The following NAV3 variants were observed in gnomAD, a reference collection of about 807,000 sequenced individuals.
The protein encoded by NAV3 is neuron navigator 3, also known as pore membrane and/or filament interacting like protein 1.
A neutral mutation model predicts 244.7 loss-of-function variants in NAV3; 87 were observed. The ratio of observed to expected loss-of-function variants is 0.36; its 90% CI spans 0.30 to 0.42. The LOEUF (loss-of-function observed/expected upper bound fraction) is 0.42, where lower values mean the gene tolerates loss of function less well. Among genes scored for constraint, NAV3 ranks in the 20% least tolerant of loss-of-function variants. The pLI is 1.00. For synonymous variants in NAV3, 1,126 were observed against 1,042.2 expected (o/e 1.08, Z -1.55); for missense variants, 2,663 against 2,893.3 (o/e 0.92, Z 1.83).
rs142217995 is a variant in NAV3 at position 77,683,763 on chromosome 12, G to A, written c.72+111497G>A. On this transcript the variant is annotated intron_variant, in intron 2 of 8. Transcript: ENST00000550042. ...TTTTTGAGATTCTTTTGTTTACTGT[G>A]CATCAGAAATTCATTTCTTTTTATT... Among the ~76,000 whole-genome samples the A allele has an allele frequency of 3.9e-3, 598 of 152,148 alleles. 6 individuals are homozygous for A. The highest frequency in any genetic ancestry group is 0.014 in the African/African-American group (575 of 41,514).
chr12:77,849,337 C>T (rs67516386), intron 1 of NAV3, among the ~76,000 whole-genome samples: 36,227 of 151,958 alleles, frequency 0.24, 5,146 homozygotes, highest in Middle Eastern at 0.34. Flanking sequence ...AAGAGCCATC[C>T]TAGAGACTGT....
chr12:77,891,735 G>A (rs370131752), intron 1 of NAV3, among the ~76,000 whole-genome samples: 2 of 152,212 alleles, frequency 1.3e-5, no homozygotes, highest in Admixed American at 6.5e-5. Flanking sequence ...CCCAAAGCCA[G>A]CAGCTGCAGA....
At chr12:77,655,701 A>T (rs7138810) in intron 2 of NAV3, among the ~76,000 whole-genome samples, 27,281 of 151,934 alleles carry the variant, frequency 0.18, 3,245 homozygotes, top group African/African-American at 0.34. Context: ...AAGGGTAGCC[A>T]GAGAGAAAGG....
chr12:77,604,829 A>C (rs1870598764), intron 2 of NAV3, among the ~76,000 whole-genome samples: 1 of 152,116 alleles, frequency 6.6e-6, no homozygotes, highest in African/African-American at 2.4e-5. Flanking sequence ...TTAAGATTTA[A>C]TCACTGTCTG....
At chr12:77,702,053 G>A (rs1875585717) in intron 2 of NAV3, among the ~76,000 whole-genome samples, 2 of 151,792 alleles carry the variant, frequency 1.3e-5, no homozygotes, top group Non-Finnish European at 2.9e-5. Flanking sequence ...CCGAGAGAAG[G>A]ATATTAATAT....
At chr12:77,885,510 T>C (rs1452914330) in intron 1 of NAV3, among the ~76,000 whole-genome samples, 4 of 152,150 alleles carry the variant, frequency 2.6e-5, no homozygotes, top group East Asian at 1.9e-4. Flanking sequence ...AAAAGTTGTA[T>C]TGGCCATATA....
At chr12:78,156,085 A>G (rs1957293809) in intron 22 of NAV3, among the ~76,000 whole-genome samples, 1 of 152,124 alleles carries the variant, frequency 6.6e-6, no homozygotes. Flanking sequence ...TATGTCTTGA[A>G]TAATATTGCC....
chr12:77,726,351 CACTTA>C (rs1257762627), intron 2 of NAV3, among the ~76,000 whole-genome samples: 1 of 151,900 alleles, frequency 6.6e-6, no homozygotes, highest in Non-Finnish European at 1.5e-5. Flanking sequence ...TAACATTGGC[CACTTA>C]ACTTATTTAA....
chr12:77,660,707 A>G (rs1873400181), intron 2 of NAV3, among the ~76,000 whole-genome samples: 1 of 152,124 alleles, frequency 6.6e-6, no homozygotes, highest in African/African-American at 2.4e-5. Context: ...CTAATTTTAG[A>G]ATGTATCCAC....
At chr12:78,079,557 A>G (rs992474133) in intron 12 of NAV3, among the ~76,000 whole-genome samples, 3 of 152,246 alleles carry the variant, frequency 2.0e-5, no homozygotes, top group Non-Finnish European at 4.4e-5. Flanking sequence ...ATAGCACACC[A>G]TAAGTATATT....
intron 1 of NAV3, among the ~76,000 whole-genome samples, chr12:77,920,038 A>T (rs573162841): frequency 1.9e-4 from 29 of 152,142 alleles, no homozygotes; most frequent in Admixed American, 1.7e-3. Context: ...TATCAACTGC[A>T]CGTGAAATAT....
intron 12 of NAV3, among the ~76,000 whole-genome samples, chr12:78,092,939 A>G (rs1199533818): frequency 6.6e-6 from 1 of 152,028 alleles, no homozygotes; most frequent in Non-Finnish European, 1.5e-5. Context: ...CTTGGCTTTC[A>G]TATGTTAGGT....
At chr12:78,191,297 C>CTG (rs556058642) in intron 34 of NAV3, among the ~76,000 whole-genome samples, 48 of 152,038 alleles carry the variant, frequency 3.2e-4, no homozygotes, top group Admixed American at 1.6e-3. Flanking sequence ...ATGTGTGTGT[C>CTG]TGTGTGTGTG....
At chr12:77,864,407 A>T (rs756272216) in intron 1 of NAV3, among the ~76,000 whole-genome samples, 2 of 151,950 alleles carry the variant, frequency 1.3e-5, no homozygotes, top group African/African-American at 4.8e-5. Flanking sequence ...AAAGTATCAC[A>T]TGTACACTAG....
rs748142459 is a variant in NAV3 at position 78,006,480 on chromosome 12, T to C, written c.942T>C (p.Thr314=). 1 of 1,614,014 alleles carries C rather than the reference T, an allele frequency of 6.2e-7. No homozygotes were observed. Among genetic ancestry groups the C allele is most frequent in the Non-Finnish European group, 8.5e-7 (1 of 1,179,978 alleles). Residue 314 remains threonine (T), a synonymous_variant, in exon 8 of 40, where the codon ACT becomes ACC. Transcript: ENST00000397909. ...ATGGTAACGTGCAGCCTCCCAGTAC[T>C]GCTGGGCAGCCTCCTGCCTCTGCCA... ...GVNGNVQPPS[T]AGQPPASAIP...
At chr12:78,021,714 GCTATTTCTTT>G (rs1235212947) in intron 8 of NAV3, 23 bp from the exon 9 acceptor site, 2 of 1,438,220 alleles carry the variant, frequency 1.4e-6, no homozygotes, top group Non-Finnish European at 2.0e-6. Context: ...GACTATAACT[GCTATTTCTTT>G]CTATTTTCAT....
intron 2 of NAV3, among the ~76,000 whole-genome samples, chr12:77,803,498 G>A (rs1871821751): frequency 6.6e-6 from 1 of 152,120 alleles, no homozygotes; most frequent in African/African-American, 2.4e-5. Flanking sequence ...TGGTGTATAT[G>A]GGCCACATTT....
Position 78,116,869 on chromosome 12 carries a change from T to C in NAV3, c.2734T>C (p.Ser912Pro). The C allele has an allele frequency of 1.2e-6, 2 of 1,613,424 alleles. No homozygotes were observed. Among genetic ancestry groups the C allele is most frequent in the Non-Finnish European group, 1.7e-6 (2 of 1,179,598 alleles). Residue 912 changes from serine (S) to proline (P), a missense_variant, in exon 13 of 40, where the codon TCC (serine) becomes CCC (proline). Physicochemically the swap from Ser to Pro is moderately conservative, Grantham distance 74. Coordinates refer to ENST00000397909, the MANE Select transcript of NAV3 (RefSeq NM_001024383.2). ...LNTTSSVSSY[S>P]NITVPSRKNT... ...CACCACATCCTCTGTCAGCTCTTAC[T>C]CCAACATCACCGTCCCCTCTAGGAA...
Position 77,994,822 on chromosome 12 carries a change from A to G in NAV3, c.691A>G (p.Thr231Ala). The G allele has an allele frequency of 6.2e-7, 1 of 1,611,590 alleles. No individual in the cohort carries two copies. The highest frequency in any genetic ancestry group is 8.5e-7 in the Non-Finnish European group (1 of 1,178,750). ...MQSSLAARYA[T>A]QSNHSGIATS... ...ATACAGTCTGGCAGCCAGATATGCA[A>G]CTCAGTCTAATCACAGTGGAATTGC... The change falls in exon 6 of 40, where the codon ACT becomes GCT. Residue 231 changes from threonine (T) to alanine (A), a missense_variant. Thr to Ala is a moderately conservative substitution (Grantham distance 58, BLOSUM62 0). Coordinates refer to ENST00000397909, the MANE Select transcript of NAV3 (RefSeq NM_001024383.2).
Sources: allele counts gnomAD v4.1 joint callset (sites outside exome capture counted in the v4.1 genomes callset), GRCh38; gene constraint gnomAD v4.1.1; transcripts MANE v1.5; gene names NCBI Gene and HGNC (gene_info 2026-07-23, HGNC 2026-07-21).